The following TLL2 variants were observed in gnomAD, a reference collection of about 807,000 sequenced individuals.
TLL2 encodes the protein tolloid like 2.
A neutral mutation model predicts 123.0 loss-of-function variants in TLL2; 106 were observed. That is an observed-to-expected ratio of 0.86 (90% CI 0.74 to 1.01). TLL2 has a LOEUF of 1.01. Among genes scored for constraint, TLL2 ranks in the 50% least tolerant of loss-of-function variants. The pLI is 0.00. For synonymous variants in TLL2, 494 were observed against 516.8 expected (o/e 0.96, Z 0.60); for missense variants, 1,332 against 1,336.7 (o/e 1.00, Z 0.06).
chr10:96,419,250 A>C (rs1846595853), intron 7 of TLL2, among the ~76,000 whole-genome samples: 1 of 152,116 alleles, frequency 6.6e-6, no homozygotes, highest in South Asian at 2.1e-4. Context: ...ATAATCTGTC[A>C]ACCCCTCACC....
At chr10:96,410,804 T>C (rs1846494704) in intron 8 of TLL2, among the ~76,000 whole-genome samples, 1 of 152,198 alleles carries the variant, frequency 6.6e-6, no homozygotes, top group Non-Finnish European at 1.5e-5. Context: ...ATCTGTAAGA[T>C]GGGCAGGACC....
intron 1 of TLL2, among the ~76,000 whole-genome samples, chr10:96,512,850 C>T (rs916415478): frequency 6.6e-6 from 1 of 152,208 alleles, no homozygotes; most frequent in African/African-American, 2.4e-5. Flanking sequence ...CGATTGCGCC[C>T]GAAAGGCCCG....
intron 5 of TLL2, among the ~76,000 whole-genome samples, chr10:96,427,582 G>T (rs144483976): frequency 2.6e-5 from 4 of 152,238 alleles, no homozygotes. Context: ...AAGTGTCTCA[G>T]CTTTTAACAT....
chr10:96,372,624 G>A (rs901344699), intron 19 of TLL2, among the ~76,000 whole-genome samples: 1 of 152,146 alleles, frequency 6.6e-6, no homozygotes, highest in African/African-American at 2.4e-5. Flanking sequence ...AAAAAATCAC[G>A]GGGAACAGAA....
chr10:96,434,315 AAAGAG>A (rs1846772610), intron 3 of TLL2, among the ~76,000 whole-genome samples: 1 of 152,182 alleles, frequency 6.6e-6, no homozygotes, highest in African/African-American at 2.4e-5. Context: ...TCATCATTCC[AAAGAG>A]AAACTTTGTA....
At chr10:96,504,945 G>A (rs1847565066) in intron 1 of TLL2, among the ~76,000 whole-genome samples, 3 of 152,098 alleles carry the variant, frequency 2.0e-5, no homozygotes, top group African/African-American at 2.4e-5. Flanking sequence ...GAGGCAGAGC[G>A]TTCAGTGAGC....
At chr10:96,456,139 C>A (rs1192602325) in intron 2 of TLL2, among the ~76,000 whole-genome samples, 2 of 152,304 alleles carry the variant, frequency 1.3e-5, no homozygotes, top group East Asian at 3.9e-4. Context: ...CAGATTCAAT[C>A]CCAGACCCAT....
chr10:96,379,253 T>C (rs1247696930), intron 16 of TLL2, among the ~76,000 whole-genome samples, 161 bp from the exon 17 acceptor site: 1 of 152,146 alleles, frequency 6.6e-6, no homozygotes, highest in Non-Finnish European at 1.5e-5. Flanking sequence ...GTGGGAAGCA[T>C]CTTCACCTCA....
intron 5 of TLL2, among the ~76,000 whole-genome samples, chr10:96,426,593 G>T (rs1175387517): frequency 6.6e-6 from 1 of 152,064 alleles, no homozygotes; most frequent in Non-Finnish European, 1.5e-5. Flanking sequence ...CAAAGTTCTT[G>T]GTCTGTACCA....
At chr10:96,373,859 G>T in intron 18 of TLL2, 50 bp from the exon 19 acceptor site, 2 of 1,558,064 alleles carry the variant, frequency 1.3e-6, no homozygotes. Flanking sequence ...GTTCAGCTGG[G>T]GTGGGGGCCT....
chr10:96,428,067 T>A (rs555830459), intron 5 of TLL2, among the ~76,000 whole-genome samples: 2 of 152,324 alleles, frequency 1.3e-5, no homozygotes, highest in South Asian at 4.1e-4. Context: ...ACTGCTGGGA[T>A]TACAGGCGTG....
chr10:96,476,661 G>A (rs1190331224), intron 2 of TLL2, among the ~76,000 whole-genome samples: 1 of 151,840 alleles, frequency 6.6e-6, no homozygotes, highest in African/African-American at 2.4e-5. Context: ...GAAAAAAAAT[G>A]GGAAACAATC....
At chr10:96,447,960 C>A (rs1485604020) in intron 2 of TLL2, among the ~76,000 whole-genome samples, 1 of 152,128 alleles carries the variant, frequency 6.6e-6, no homozygotes, top group African/African-American at 2.4e-5. Context: ...CCACGCTGCT[C>A]AACCAAGGCT....
intron 8 of TLL2, among the ~76,000 whole-genome samples, chr10:96,412,680 A>G (rs1367685267): frequency 6.6e-6 from 1 of 152,086 alleles, no homozygotes; most frequent in Non-Finnish European, 1.5e-5. Context: ...AAGCCCCAAG[A>G]CCAAAGCAAC....
At chr10:96,473,672 C>A (rs1011971332) in intron 2 of TLL2, among the ~76,000 whole-genome samples, 1 of 152,106 alleles carries the variant, frequency 6.6e-6, no homozygotes, top group Admixed American at 6.5e-5. Flanking sequence ...ATAGATGAGG[C>A]GGGAAACATC....
intron 10 of TLL2, among the ~76,000 whole-genome samples, chr10:96,403,408 A>T (rs1846414484): frequency 6.6e-6 from 1 of 152,234 alleles, no homozygotes; most frequent in Non-Finnish European, 1.5e-5. Flanking sequence ...TGCCCCAGAC[A>T]CTTTGCCCCA....
At chr10:96,458,393 C>G (rs1847037740) in intron 2 of TLL2, among the ~76,000 whole-genome samples, 1 of 151,860 alleles carries the variant, frequency 6.6e-6, no homozygotes, top group Non-Finnish European at 1.5e-5. Flanking sequence ...TCGAGACCAG[C>G]CTACCCAACA....
intron 3 of TLL2, among the ~76,000 whole-genome samples, chr10:96,436,358 C>A (rs570384628): frequency 6.6e-6 from 1 of 152,276 alleles, no homozygotes; most frequent in African/African-American, 2.4e-5. Flanking sequence ...TATAAATGTT[C>A]CATGTTTTCT....
At chr10:96,403,957 A>G (rs553675932) in intron 10 of TLL2, among the ~76,000 whole-genome samples, 3 of 143,486 alleles carry the variant, frequency 2.1e-5, no homozygotes. Context: ...ACATCCAGGC[A>G]TAGTACCTTC....
Sources: allele counts gnomAD v4.1 joint callset (sites outside exome capture counted in the v4.1 genomes callset), GRCh38; gene constraint gnomAD v4.1.1; transcripts MANE v1.5; gene names NCBI Gene and HGNC (gene_info 2026-07-23, HGNC 2026-07-21).